LUZP2: variants seen among roughly 807,000 people sequenced by gnomAD.
LUZP2 encodes the protein leucine zipper protein 2.
Under a neutral mutation model 51.6 loss-of-function variants are expected in LUZP2, and 52 were observed. The ratio of observed to expected loss-of-function variants is 1.01; its 90% CI spans 0.81 to 1.27. LUZP2 has a LOEUF of 1.27. LUZP2 is among the 50% of genes most tolerant of loss of function. The probability of loss-of-function intolerance (pLI) is 0.00; values close to 1 mark genes in which losing one functional copy is unlikely to be tolerated. For missense variants in LUZP2, 436 were observed against 395.4 expected, an observed-to-expected ratio of 1.10 and a Z score of -0.87; for synonymous variants, 154 against 137.3, an observed-to-expected ratio of 1.12 and a Z score of -0.85.
chr11:24,943,442 G>A (rs902469912), intron 7 of LUZP2, among the ~76,000 whole-genome samples: 1 of 151,810 alleles, frequency 6.6e-6, no homozygotes, highest in African/African-American at 2.4e-5. Flanking sequence ...CCTCTGTACT[G>A]CCATAGCACT....
At chr11:24,821,462 T>C (rs889483497) in intron 5 of LUZP2, among the ~76,000 whole-genome samples, 6 of 152,128 alleles carry the variant, frequency 3.9e-5, no homozygotes, top group Non-Finnish European at 5.9e-5. Flanking sequence ...TATTAACTAT[T>C]TTACCGACTT....
intron 1 of LUZP2, among the ~76,000 whole-genome samples, chr11:24,686,973 G>T (rs1291559334): frequency 2.6e-5 from 4 of 152,030 alleles, no homozygotes; most frequent in Non-Finnish European, 5.9e-5. Context: ...GGTCACTGGT[G>T]CCCCAAGGCG....
At chr11:24,922,837 C>CTTTTTTTTTTTTTTT (rs749672583) in intron 7 of LUZP2, among the ~76,000 whole-genome samples, 5 of 47,370 alleles carry the variant, frequency 1.1e-4, no homozygotes, top group South Asian at 1.3e-3. Context: ...TTTTTTTTTT[C>CTTTTTTTTTTTTTTT]TTTTTTTTTT....
chr11:25,052,458 T>G (rs1485970576), intron 10 of LUZP2, among the ~76,000 whole-genome samples: 1 of 152,166 alleles, frequency 6.6e-6, no homozygotes, highest in African/African-American at 2.4e-5. Context: ...GATTCAAATA[T>G]GTAGGTCATT....
At chr11:25,072,437 G>A (rs543211403) in intron 10 of LUZP2, among the ~76,000 whole-genome samples, 8 of 152,118 alleles carry the variant, frequency 5.3e-5, no homozygotes, top group Non-Finnish European at 2.9e-5. Context: ...GCTCAATTTG[G>A]CTCTTAGTGT....
chr11:24,726,657 A>T (rs1858487840), intron 1 of LUZP2, among the ~76,000 whole-genome samples: 1 of 152,020 alleles, frequency 6.6e-6, no homozygotes. Flanking sequence ...TAAGAGAGAA[A>T]GAAAAAATTG....
intron 1 of LUZP2, among the ~76,000 whole-genome samples, chr11:24,593,343 A>G (rs1853322246): frequency 1.3e-5 from 2 of 152,130 alleles, no homozygotes; most frequent in Admixed American, 6.6e-5. Flanking sequence ...TTTCCCAACA[A>G]TAATTTATTA....
intron 5 of LUZP2, among the ~76,000 whole-genome samples, chr11:24,814,852 C>T (rs1564929552): frequency 6.6e-6 from 1 of 152,070 alleles, no homozygotes; most frequent in East Asian, 1.9e-4. Flanking sequence ...ATTAGCCAGG[C>T]GTGGCGGTGT....
chr11:24,982,653 A>G (rs1856071391), intron 8 of LUZP2, among the ~76,000 whole-genome samples: 1 of 151,694 alleles, frequency 6.6e-6, no homozygotes, highest in Admixed American at 6.6e-5. Flanking sequence ...AGAAAGGACA[A>G]CTGCTGGGTA....
intron 10 of LUZP2, among the ~76,000 whole-genome samples, chr11:25,058,283 C>A (rs1858743824): frequency 6.6e-6 from 1 of 152,046 alleles, no homozygotes; most frequent in Non-Finnish European, 1.5e-5. Flanking sequence ...TTTTCTATGA[C>A]AACTTAACCA....
At chr11:25,063,659 G>A (rs1477735516) in intron 10 of LUZP2, among the ~76,000 whole-genome samples, 3 of 151,862 alleles carry the variant, frequency 2.0e-5, no homozygotes, top group African/African-American at 7.2e-5. Flanking sequence ...ATGCATCTGA[G>A]TAAGTTAATG....
At chr11:24,529,626 A>G (rs1850933218) in intron 1 of LUZP2, among the ~76,000 whole-genome samples, 1 of 151,134 alleles carries the variant, frequency 6.6e-6, no homozygotes, top group African/African-American at 2.4e-5. Context: ...ATATTAAATT[A>G]TAAGTAAATA....
chr11:24,972,906 C>T (rs1412800215), intron 7 of LUZP2, among the ~76,000 whole-genome samples: 1 of 151,856 alleles, frequency 6.6e-6, no homozygotes, highest in Non-Finnish European at 1.5e-5. Context: ...TGTATGTCTG[C>T]CACGTTTTGG....
chr11:24,880,104 G>A (rs1852412509), intron 5 of LUZP2, among the ~76,000 whole-genome samples: 2 of 152,188 alleles, frequency 1.3e-5, no homozygotes, highest in African/African-American at 4.8e-5. Context: ...AGGCCATGGT[G>A]GTGATGCCTG....
intron 7 of LUZP2, among the ~76,000 whole-genome samples, chr11:24,971,548 C>T (rs1855735056): frequency 6.6e-6 from 1 of 152,042 alleles, no homozygotes; most frequent in South Asian, 2.1e-4. Context: ...TCACTATTAG[C>T]ATGATGGGAT....
chr11:24,653,509 A>G (rs528479960), intron 1 of LUZP2, among the ~76,000 whole-genome samples: 1 of 152,246 alleles, frequency 6.6e-6, no homozygotes. Flanking sequence ...ACTTCCCTAT[A>G]TAAGTCCGAA....
intron 5 of LUZP2, among the ~76,000 whole-genome samples, chr11:24,870,472 CACACACACACACACACAG>C (rs996156089): frequency 1.2e-4 from 2 of 16,886 alleles, no homozygotes; most frequent in Non-Finnish European, 2.8e-4. Context: ...CCAGTTCCTA[CACACACACACACACACAG>C]ACACACACAC....
chr11:24,764,843 C>A (rs2716534), intron 5 of LUZP2, among the ~76,000 whole-genome samples: 1 of 151,890 alleles, frequency 6.6e-6, no homozygotes, highest in Non-Finnish European at 1.5e-5. Context: ...AATAAATAAA[C>A]GCAAAACTAT....
At position 24,534,085 on chromosome 11, in the gene LUZP2, A is replaced by G. The variant is rs1483995830; in HGVS notation, c.62+36780A>G. Reference sequence around the variant, plus strand: ...TGATAAATAAATTGTTTCCCTTTGTATTTACAATTTGTTGAATCCAGGTCT... The same window carrying G: ...TGATAAATAAATTGTTTCCCTTTGTGTTTACAATTTGTTGAATCCAGGTCT... On this transcript the variant is annotated intron_variant, in intron 1 of 11. Coordinates refer to ENST00000336930, the MANE Select transcript of LUZP2 (RefSeq NM_001009909.4). 2.6e-5 allele frequency among the ~76,000 whole-genome samples: 4 copies of G among 151,252 alleles called. No individual in the cohort carries two copies. The East Asian group carries it at 7.8e-4, about 29-fold the overall frequency.
Sources: allele counts gnomAD v4.1 joint callset (sites outside exome capture counted in the v4.1 genomes callset), GRCh38; gene constraint gnomAD v4.1.1; transcripts MANE v1.5; gene names NCBI Gene and HGNC (gene_info 2026-07-23, HGNC 2026-07-21).